Variants in SLC26A3 observed in about 807,000 individuals in gnomAD.
The protein encoded by SLC26A3 is solute carrier family 26 member 3, also known as chloride anion exchanger.
In SLC26A3, 64 loss-of-function variants were observed where a neutral mutation model predicts 85.6. That is an observed-to-expected ratio of 0.75 (90% CI 0.61 to 0.92). The LOEUF is 0.92. Ranked by LOEUF, SLC26A3 falls within the 40% of genes least tolerant of loss-of-function variation. The pLI is 0.00. For synonymous variants in SLC26A3, 349 were observed against 336.0 expected (o/e 1.04, Z -0.42); for missense variants, 922 against 927.3 (o/e 0.99, Z 0.07).
At chr7:107,796,545 A>G (rs1794503635) in intron 1 of SLC26A3, among the ~76,000 whole-genome samples, 1 of 152,188 alleles carries the variant, frequency 6.6e-6, no homozygotes, top group East Asian at 1.9e-4. Context: ...ACTAGACAGT[A>G]CTTCCCATTG....
rs371621503 is a variant in SLC26A3, at chr7:107,777,328, C to T, written c.1515-622G>A. ...AAAAAATCAAGGCTGGTCGCCATGG[C>T]TCATGACTGTAATCCCAGCACTTTG... On this transcript the variant is annotated intron_variant, in intron 13 of 20. Coordinates refer to ENST00000340010, the MANE Select transcript of SLC26A3 (RefSeq NM_000111.3). Among the ~76,000 whole-genome samples, 4 of 152,190 alleles carry T rather than the reference C, an allele frequency of 2.6e-5. No individual in the cohort carries two copies. In the South Asian group the frequency reaches 8.3e-4, roughly 32 times the overall value.
chr7:107,791,517 C>T (rs950732814), intron 4 of SLC26A3, among the ~76,000 whole-genome samples: 1 of 152,114 alleles, frequency 6.6e-6, no homozygotes, highest in Non-Finnish European at 1.5e-5. Flanking sequence ...GAGGCTGAGG[C>T]AGGAGAATCG....
chr7:107,785,894 A>AAAAAAC (rs1794287084), intron 8 of SLC26A3, among the ~76,000 whole-genome samples: 1 of 152,212 alleles, frequency 6.6e-6, no homozygotes, highest in Non-Finnish European at 1.5e-5. Flanking sequence ...AGTCTTTTAA[A>AAAAAAC]AAAACAAAAC....
At chr7:107,766,863 T>C (rs1325585254) in intron 20 of SLC26A3, among the ~76,000 whole-genome samples, 1 of 151,564 alleles carries the variant, frequency 6.6e-6, no homozygotes, top group African/African-American at 2.4e-5. Context: ...TTAGTTAAGC[T>C]CTCTGAGCCT....
intron 1 of SLC26A3, among the ~76,000 whole-genome samples, chr7:107,797,084 T>C (rs1407662905): frequency 6.6e-6 from 1 of 152,212 alleles, no homozygotes; most frequent in Non-Finnish European, 1.5e-5. Context: ...GGCTTTCTTA[T>C]ACCTCCAGCT....
In SLC26A3 at chr7:107,774,726, C is replaced by T. The variant is rs748738003; in HGVS notation, c.1773+51G>A. Reference sequence around the variant, plus strand: ...GAATGGAACTACACCTTGAATCATCCTTTACTAAGCTTTTAGCTATAATGC... The same window carrying T: ...GAATGGAACTACACCTTGAATCATCTTTTACTAAGCTTTTAGCTATAATGC... On this transcript the variant is annotated intron_variant, in intron 16 of 20. Transcript: ENST00000340010. 3.0e-6 allele frequency: 4 copies of T among 1,319,262 alleles called. No individual in the cohort carries two copies. In the South Asian group the frequency reaches 3.5e-5, roughly 12 times the overall value. The allele number at this position is 1,319,262 out of a possible 1,614,324, so 81.7% of individuals were successfully genotyped here. A position where few individuals can be genotyped will look rare whatever the true frequency, so the allele number is the denominator to read the frequency against.
chr7:107,786,886 G>A lies in SLC26A3; in HGVS notation c.912C>T (p.Ser304=). ...ACCTGTTTTTAAAGTCACAGCCGTA[G>A]GATACACCTGCTGCAATCACGGTCT... ...FIMTVIAAGV[S]YGCDFKNRFK... The change falls in exon 8 of 21, where the codon TCC becomes TCT. Residue 304 remains serine, a synonymous_variant. Transcript: ENST00000340010. The A allele has an allele frequency of 1.2e-6, 2 of 1,614,056 alleles. No homozygotes were observed. Among genetic ancestry groups the A allele is most frequent in the Non-Finnish European group, 1.7e-6 (2 of 1,180,004 alleles).
At chr7:107,789,080 A>G (rs79604012) in intron 6 of SLC26A3, among the ~76,000 whole-genome samples, 9,306 of 146,154 alleles carry the variant, frequency 0.064, 338 homozygotes, top group African/African-American at 0.11. Flanking sequence ...ATGAGCCATC[A>G]TGCCTGGCTT....
chr7:107,798,958 T>C lies in SLC26A3; in HGVS notation c.-89+4153A>G, dbSNP rs1261746905. Reference sequence around the variant, plus strand: ...GAGATGGGGGAACAAGCAGAATAATTGCTCCAGTGAGCACCTTCAGAGGGA... The same window carrying C: ...GAGATGGGGGAACAAGCAGAATAATCGCTCCAGTGAGCACCTTCAGAGGGA... On this transcript the variant is annotated intron_variant, in intron 1 of 20. Coordinates refer to ENST00000340010, the MANE Select transcript of SLC26A3 (RefSeq NM_000111.3). Among the ~76,000 whole-genome samples, 4 of 152,128 alleles carry C rather than the reference T, an allele frequency of 2.6e-5. No homozygotes were observed. In the East Asian group the frequency reaches 7.7e-4, roughly 29 times the overall value.
Position 107,779,687 on chromosome 7 carries a change from C to A in SLC26A3, c.1388G>T (p.Arg463Leu). The change falls in exon 12 of 21, where the codon CGA becomes CTA. Residue 463 changes from arginine to leucine, a missense_variant. Transcript: ENST00000340010. ...ACTTACACAATCATATTTGTCCTTT[C>A]GCCACAATCTGCCTATTTCAGCAAA... ...MQFAEIGRLW[R>L]KDKYDCLIWI... The A allele has an allele frequency of 1.9e-6, 3 of 1,613,592 alleles. No individual in the cohort carries two copies. The highest frequency in any genetic ancestry group is 2.5e-6 in the Non-Finnish European group (3 of 1,179,602).
At chr7:107,784,033 A>C (rs569704345) in intron 8 of SLC26A3, among the ~76,000 whole-genome samples, 1 of 152,232 alleles carries the variant, frequency 6.6e-6, no homozygotes, top group African/African-American at 2.4e-5. Flanking sequence ...TGTATCTTAA[A>C]CTCAACATCA....
intron 5 of SLC26A3, among the ~76,000 whole-genome samples, chr7:107,790,578 T>C (rs114460580): frequency 1.1e-4 from 16 of 152,228 alleles, no homozygotes; most frequent in African/African-American, 3.9e-4. Context: ...TCCACCATAA[T>C]CCTCGTCAGT....
chr7:107,789,259 G>C (rs1015315087), intron 6 of SLC26A3, among the ~76,000 whole-genome samples: 49 of 151,454 alleles, frequency 3.2e-4, no homozygotes, highest in African/African-American at 1.1e-3. Flanking sequence ...TGGGACTACA[G>C]GTGCCTGCCA....
chr7:107,781,264 G>C (rs1794211518), intron 11 of SLC26A3, among the ~76,000 whole-genome samples: 1 of 152,150 alleles, frequency 6.6e-6, no homozygotes, highest in African/African-American at 2.4e-5. Flanking sequence ...GACATGCAGT[G>C]AGCACTCAAT....
chr7:107,770,852 G>T (rs1794017920), intron 18 of SLC26A3, among the ~76,000 whole-genome samples: 1 of 152,152 alleles, frequency 6.6e-6, no homozygotes, highest in Non-Finnish European at 1.5e-5. Flanking sequence ...AAACTGAACT[G>T]CAAAATTATG....
Position 107,767,886 on chromosome 7 carries a change from G to A in SLC26A3, c.2085C>T (p.Asn695=). ...CTTCACCATCAAAAAATTCATACCG[G>A]TTAAGCTTCTCAATGAAGTCATCTG... ...GTDDDFIEKL[N]RYEFFDGEVK... The change falls in exon 19 of 21, where the codon AAC becomes AAT. Residue 695 remains asparagine, a synonymous_variant. Transcript: ENST00000340010. 6.2e-7 allele frequency: 1 copy of A among 1,613,472 alleles called. No homozygotes were observed. The highest frequency in any genetic ancestry group is 8.5e-7 in the Non-Finnish European group (1 of 1,179,634).
chr7:107,778,324 T>C, intron 12 of SLC26A3, 43 bp from the exon 13 acceptor site: 17 of 1,200,168 alleles, frequency 1.4e-5, no homozygotes, highest in Non-Finnish European at 2.0e-5. Context: ...TTACTTTGAT[T>C]AAAGTACAAT....
chr7:107,802,044 A>T (rs1794608355), intron 1 of SLC26A3, among the ~76,000 whole-genome samples: 1 of 149,684 alleles, frequency 6.7e-6, no homozygotes, highest in Admixed American at 6.7e-5. Flanking sequence ...GTGAGCAGAG[A>T]TTGTGCCACT....
chr7:107,765,930 C>A (rs1197661129), intron 20 of SLC26A3, 52 bp from the exon 21 acceptor site: 2 of 1,495,424 alleles, frequency 1.3e-6, no homozygotes, highest in East Asian at 2.3e-5. Flanking sequence ...AGTTCTGTTA[C>A]AATAATCACA....
Sources: allele counts gnomAD v4.1 joint callset (sites outside exome capture counted in the v4.1 genomes callset), GRCh38; gene constraint gnomAD v4.1.1; transcripts MANE v1.5; gene names NCBI Gene and HGNC (gene_info 2026-07-23, HGNC 2026-07-21).